MTHFD2L: variants seen among roughly 807,000 people sequenced by gnomAD.
The protein encoded by MTHFD2L is methylenetetrahydrofolate dehydrogenase (NADP+ dependent) 2 like, also known as bifunctional methylenetetrahydrofolate dehydrogenase/cyclohydrolase 2, mitochondrial.
A neutral mutation model predicts 34.9 loss-of-function variants in MTHFD2L; 29 were observed. That is an observed-to-expected ratio of 0.83 (90% CI 0.62 to 1.13). The LOEUF is 1.13. Ranked by LOEUF, MTHFD2L falls within the 50% of genes most tolerant of loss-of-function variation. The probability of loss-of-function intolerance (pLI) is 0.00; values close to 1 mark genes in which losing one functional copy is unlikely to be tolerated. For synonymous variants in MTHFD2L, 167 were observed against 155.7 expected, an observed-to-expected ratio of 1.07 and a Z score of -0.54; for missense variants, 481 against 446.5, an observed-to-expected ratio of 1.08 and a Z score of -0.70.
intron 6 of MTHFD2L, among the ~76,000 whole-genome samples, chr4:74,248,236 C>A (rs1394899235): frequency 2.0e-5 from 3 of 152,128 alleles, no homozygotes; most frequent in African/African-American, 7.2e-5. Flanking sequence ...GGAATTTATG[C>A]ATTTCTTCTA....
intron 3 of MTHFD2L, among the ~76,000 whole-genome samples, chr4:74,198,438 A>C (rs575854080): frequency 1.3e-5 from 2 of 152,304 alleles, no homozygotes; most frequent in East Asian, 3.9e-4. Flanking sequence ...ACTTAGAAAT[A>C]AACTAATTTG....
intron 7 of MTHFD2L, among the ~76,000 whole-genome samples, chr4:74,285,741 A>T (rs1034171161): frequency 6.6e-6 from 1 of 152,202 alleles, no homozygotes; most frequent in African/African-American, 2.4e-5. Flanking sequence ...CACTGTTTCA[A>T]CAGTCATCTT....
At chr4:74,281,602 T>G in intron 7 of MTHFD2L, 52 bp downstream of exon 7, 1 of 1,531,186 alleles carries the variant, frequency 6.5e-7, no homozygotes, top group Non-Finnish European at 8.8e-7. Flanking sequence ...AATTCCACCT[T>G]ACGTATTTTA....
intron 1 of MTHFD2L, among the ~76,000 whole-genome samples, chr4:74,126,712 T>A (rs1403463793): frequency 6.6e-6 from 1 of 152,178 alleles, no homozygotes; most frequent in Non-Finnish European, 1.5e-5. Flanking sequence ...GTGCCCTCCC[T>A]GAGCTCATAC....
chr4:74,128,837 T>C (rs1360124523), intron 1 of MTHFD2L, among the ~76,000 whole-genome samples: 2 of 152,100 alleles, frequency 1.3e-5, no homozygotes, highest in Non-Finnish European at 2.9e-5. Flanking sequence ...TTGGGTCTTG[T>C]TTCTTTATCC....
At chr4:74,138,661 A>AT (rs1234517678) in intron 1 of MTHFD2L, among the ~76,000 whole-genome samples, 3 of 152,138 alleles carry the variant, frequency 2.0e-5, no homozygotes, top group African/African-American at 7.2e-5. Context: ...GTGGAAGTCA[A>AT]TGGAGGGTCT....
intron 5 of MTHFD2L, 69 bp downstream of exon 5, chr4:74,201,439 CTT>C: frequency 8.9e-7 from 1 of 1,127,570 alleles, no homozygotes; most frequent in Non-Finnish European, 1.3e-6. Flanking sequence ...CAAGTAAACA[CTT>C]TTGATAATGC....
upstream of MTHFD2L, among the ~76,000 whole-genome samples, chr4:74,118,815 A>C (rs144735656): frequency 2.1e-3 from 315 of 152,316 alleles, no homozygotes; most frequent in African/African-American, 7.0e-3. Context: ...CATTGCTCAC[A>C]TTACCTCCTG....
At chr4:74,135,267 A>C (rs1722825686) in intron 1 of MTHFD2L, among the ~76,000 whole-genome samples, 1 of 152,058 alleles carries the variant, frequency 6.6e-6, no homozygotes, top group South Asian at 2.1e-4. Context: ...AGCCAGAATA[A>C]GAAAAAAAGA....
At chr4:74,198,078 G>A (rs535438757) in intron 3 of MTHFD2L, among the ~76,000 whole-genome samples, 1 of 152,166 alleles carries the variant, frequency 6.6e-6, no homozygotes, top group Admixed American at 6.5e-5. Context: ...TTTTAAACTA[G>A]TAATACTTAA....
chr4:74,148,389 T>C (rs759531273), intron 1 of MTHFD2L, among the ~76,000 whole-genome samples: 10 of 118,048 alleles, frequency 8.5e-5, no homozygotes, highest in African/African-American at 2.5e-4. Context: ...ATTTATTTAT[T>C]TATCTATCTA....
chr4:74,136,788 C>A (rs1479733368), intron 1 of MTHFD2L, among the ~76,000 whole-genome samples: 2 of 151,780 alleles, frequency 1.3e-5, no homozygotes, highest in Admixed American at 6.6e-5. Flanking sequence ...ATAAATAAAA[C>A]AGAATAATAA....
At chr4:74,225,841 A>AGT (rs1482346080) in intron 6 of MTHFD2L, among the ~76,000 whole-genome samples, 3 of 152,138 alleles carry the variant, frequency 2.0e-5, no homozygotes, top group African/African-American at 7.2e-5. Flanking sequence ...TATGTTCTGA[A>AGT]GTCTAGACTT....
At chr4:74,124,260 T>C (rs1270825987), upstream of MTHFD2L, among the ~76,000 whole-genome samples, 1 of 151,770 alleles carries the variant, frequency 6.6e-6, no homozygotes, top group Non-Finnish European at 1.5e-5. Context: ...TTTTTCGTTT[T>C]ATCAGCATTA....
intron 4 of MTHFD2L, 22 bp downstream of exon 4, chr4:74,199,968 G>A: frequency 4.3e-6 from 7 of 1,613,042 alleles, no homozygotes; most frequent in Non-Finnish European, 5.9e-6. Flanking sequence ...GTGGTCTGCA[G>A]GACATGGATG....
intron 6 of MTHFD2L, among the ~76,000 whole-genome samples, chr4:74,231,255 T>G (rs1392256951): frequency 6.6e-6 from 1 of 152,112 alleles, no homozygotes; most frequent in Non-Finnish European, 1.5e-5. Flanking sequence ...TTAGAAACAC[T>G]CCCATCAAAC....
upstream of MTHFD2L, among the ~76,000 whole-genome samples, chr4:74,154,178 C>T (rs753080005): frequency 1.3e-5 from 2 of 152,102 alleles, no homozygotes; most frequent in Non-Finnish European, 2.9e-5. Context: ...AGGAAGATTG[C>T]AGAGGTAAAG....
At chr4:74,120,757 A>G (rs1300144592), upstream of MTHFD2L, among the ~76,000 whole-genome samples, 1 of 152,246 alleles carries the variant, frequency 6.6e-6, no homozygotes, top group African/African-American at 2.4e-5. Flanking sequence ...CTTCTCTTAT[A>G]TACATAAGTG....
chr4:74,252,413 A>G (rs895151444), intron 6 of MTHFD2L, among the ~76,000 whole-genome samples: 1 of 152,204 alleles, frequency 6.6e-6, no homozygotes, highest in Non-Finnish European at 1.5e-5. Flanking sequence ...GACTTGACAA[A>G]CAGAAAACCT....
Sources: gnomAD v4.1 joint callset for allele counts (sites outside exome capture counted in the v4.1 genomes callset) on GRCh38, gnomAD v4.1.1 for gene constraint, MANE v1.5 for transcripts, NCBI Gene and HGNC (gene_info 2026-07-23, HGNC 2026-07-21) for gene names.